The following LSAMP variants were observed in gnomAD, a reference collection of about 807,000 sequenced individuals.
The protein encoded by LSAMP is limbic system associated membrane protein, also known as limbic system-associated membrane protein.
Under a neutral mutation model 38.6 loss-of-function variants are expected in LSAMP, and 7 were observed. That is an observed-to-expected ratio of 0.18 (90% CI 0.10 to 0.34). The LOEUF (loss-of-function observed/expected upper bound fraction) is 0.34. Ranked by LOEUF, LSAMP falls within the 10% of genes least tolerant of loss-of-function variation. The probability of loss-of-function intolerance (pLI) is 1.00; values close to 1 mark genes in which losing one functional copy is unlikely to be tolerated. For synonymous variants in LSAMP, 154 were observed against 166.8 expected (o/e 0.92, Z 0.59); for missense variants, 313 against 420.0 (o/e 0.75, Z 2.23).
intron 3 of LSAMP, among the ~76,000 whole-genome samples, chr3:115,901,539 A>G (rs1936874270): frequency 6.6e-6 from 1 of 152,180 alleles, no homozygotes; most frequent in South Asian, 2.1e-4. Flanking sequence ...CCCACAAACC[A>G]GTTTATCTCC....
chr3:116,204,525 A>G (rs1257240290), intron 1 of LSAMP, among the ~76,000 whole-genome samples: 2 of 150,526 alleles, frequency 1.3e-5, no homozygotes, highest in African/African-American at 2.4e-5. Flanking sequence ...TAGGGTTTTT[A>G]TGGTTTTAGG....
intron 2 of LSAMP, among the ~76,000 whole-genome samples, chr3:116,021,304 C>A (rs1474946517): frequency 2.0e-5 from 3 of 152,010 alleles, no homozygotes; most frequent in Admixed American, 2.0e-4. Flanking sequence ...CCTGAAAGAT[C>A]ATATACATTT....
chr3:116,012,206 T>C (rs1197078975), intron 3 of LSAMP, among the ~76,000 whole-genome samples: 1 of 152,222 alleles, frequency 6.6e-6, no homozygotes, highest in Non-Finnish European at 1.5e-5. Context: ...AACAACTCCA[T>C]GGTCACTTTG....
chr3:116,047,945 C>T (rs764646877), intron 2 of LSAMP, among the ~76,000 whole-genome samples: 9 of 152,160 alleles, frequency 5.9e-5, no homozygotes, highest in South Asian at 2.1e-4. Flanking sequence ...ATACTCTCAT[C>T]GACTATAGTC....
chr3:116,310,393 TTC>T (rs754531446), intron 1 of LSAMP, among the ~76,000 whole-genome samples: 8 of 152,216 alleles, frequency 5.3e-5, no homozygotes, highest in Admixed American at 1.3e-4. Flanking sequence ...AAGGTGCCGA[TTC>T]TCAGTCAAGA....
Position 116,419,999 on chromosome 3 carries a change from G to C in LSAMP, c.155+24878C>G, listed in dbSNP as rs551339446. ...TGTACCTATTCTTGTTGAATGCTAAGGCAGATATATCATTTCCTTCCTGAA... is the reference window on the plus strand; with the variant it reads ...TGTACCTATTCTTGTTGAATGCTAACGCAGATATATCATTTCCTTCCTGAA... On this transcript the variant is annotated intron_variant, in intron 1 of 6. Transcript: ENST00000490035. Among the ~76,000 whole-genome samples, 14 of 152,266 alleles carry C rather than the reference G, an allele frequency of 9.2e-5. No homozygotes were observed. In the South Asian group the frequency reaches 2.9e-3, roughly 32 times the overall value.
chr3:115,921,658 T>G (rs1196083027), intron 3 of LSAMP, among the ~76,000 whole-genome samples: 1 of 152,104 alleles, frequency 6.6e-6, no homozygotes, highest in African/African-American at 2.4e-5. Flanking sequence ...TACTTTCATA[T>G]GCTTTGATGT....
intron 1 of LSAMP, among the ~76,000 whole-genome samples, chr3:116,292,883 A>C (rs1350338885): frequency 6.6e-6 from 1 of 152,230 alleles, no homozygotes; most frequent in Non-Finnish European, 1.5e-5. Context: ...ATGAATGTGC[A>C]ATAAACCAAA....
chr3:116,295,343 G>A (rs1156935747), intron 1 of LSAMP, among the ~76,000 whole-genome samples: 1 of 152,184 alleles, frequency 6.6e-6, no homozygotes, highest in African/African-American at 2.4e-5. Context: ...CCAAGATTGA[G>A]TTATTTCAAT....
At chr3:116,377,750 C>A (rs2048512186) in intron 1 of LSAMP, among the ~76,000 whole-genome samples, 1 of 151,946 alleles carries the variant, frequency 6.6e-6, no homozygotes, top group African/African-American at 2.4e-5. Context: ...ATTGAAATCC[C>A]ATGGAGCCCT....
chr3:116,358,359 T>C (rs963902625), intron 1 of LSAMP, among the ~76,000 whole-genome samples: 5 of 152,112 alleles, frequency 3.3e-5, no homozygotes, highest in Admixed American at 6.5e-5. Context: ...ATACAGTATA[T>C]AGTAATATAG....
At chr3:116,058,938 G>GTTTT (rs71906076) in intron 2 of LSAMP, among the ~76,000 whole-genome samples, 10 of 147,984 alleles carry the variant, frequency 6.8e-5, no homozygotes, top group Non-Finnish European at 1.2e-4. Context: ...TTGTTTGTTC[G>GTTTT]TTTTTTTTTT....
intron 1 of LSAMP, among the ~76,000 whole-genome samples, chr3:116,320,282 G>T (rs143451639): frequency 6.6e-6 from 1 of 152,026 alleles, no homozygotes; most frequent in Non-Finnish European, 1.5e-5. Context: ...GCATGGTGGC[G>T]CACACCTGTA....
At chr3:116,407,449 GA>G (rs921544422) in intron 1 of LSAMP, among the ~76,000 whole-genome samples, 66 of 152,044 alleles carry the variant, frequency 4.3e-4, no homozygotes, top group African/African-American at 1.5e-3. Flanking sequence ...AGGTTTTAAG[GA>G]ACCCCTATGC....
intron 1 of LSAMP, among the ~76,000 whole-genome samples, chr3:116,334,181 C>A (rs2047889277): frequency 6.6e-6 from 1 of 151,902 alleles, no homozygotes; most frequent in South Asian, 2.1e-4. Context: ...CAACACCTGC[C>A]AAGACCAAAT....
chr3:115,882,006 A>C (rs1397436523), intron 3 of LSAMP, among the ~76,000 whole-genome samples: 1 of 152,132 alleles, frequency 6.6e-6, no homozygotes, highest in Non-Finnish European at 1.5e-5. Context: ...CAAGTGATTA[A>C]TGATAGACTG....
chr3:115,864,674 C>T (rs538141325), intron 3 of LSAMP, among the ~76,000 whole-genome samples: 1 of 152,270 alleles, frequency 6.6e-6, no homozygotes, highest in Admixed American at 6.5e-5. Context: ...TCGTGGGGAA[C>T]TTCTAAGTTC....
In LSAMP at chr3:115,803,517, C is replaced by T. The variant is rs1933564179; in HGVS notation, c.*6800G>A. On this transcript the variant is annotated 3_prime_UTR_variant, in exon 7 of 7. Transcript: ENST00000490035. ...TTGAGAAATCATCCTTTCTGCTTAC[C>T]CTTTTCTCAGAGAACCTAACTTTCA... The T allele has an allele frequency of 6.6e-6, 1 of 152,182 alleles. No individual in the cohort carries two copies. 9.4% of individuals were successfully genotyped at this position (152,182 alleles called of 1,614,324 possible).
chr3:116,180,858 G>A (rs914373600), intron 1 of LSAMP, among the ~76,000 whole-genome samples: 1 of 152,052 alleles, frequency 6.6e-6, no homozygotes, highest in Admixed American at 6.6e-5. Flanking sequence ...TTAAACAGCT[G>A]TCACTTTTTA....
Sources: gnomAD v4.1 joint callset for allele counts (sites outside exome capture counted in the v4.1 genomes callset) on GRCh38, gnomAD v4.1.1 for gene constraint, MANE v1.5 for transcripts, NCBI Gene and HGNC (gene_info 2026-07-23, HGNC 2026-07-21) for gene names.